The following APBB2 variants were observed in gnomAD, a reference collection of about 807,000 sequenced individuals.
The protein encoded by APBB2 is amyloid beta precursor protein binding family B member 2.
A neutral mutation model predicts 82.5 loss-of-function variants in APBB2; 38 were observed. That is an observed-to-expected ratio of 0.46 (90% CI 0.36 to 0.60). The LOEUF is 0.60. APBB2 is among the 20% of genes least tolerant of loss of function. The probability of loss-of-function intolerance (pLI) is 0.00; values close to 1 mark genes in which losing one functional copy is unlikely to be tolerated. For missense variants in APBB2, 772 were observed against 972.3 expected (o/e 0.79, Z 2.74); for synonymous variants, 341 against 368.2 (o/e 0.93, Z 0.85).
intron 6 of APBB2, among the ~76,000 whole-genome samples, chr4:40,994,310 G>T (rs550221356): frequency 6.6e-6 from 1 of 151,606 alleles, no homozygotes; most frequent in South Asian, 2.1e-4. Context: ...GAAACACCTA[G>T]GAGTTCTGAT....
At chr4:40,912,156 CT>C (rs1163979324) in intron 10 of APBB2, among the ~76,000 whole-genome samples, 1 of 152,166 alleles carries the variant, frequency 6.6e-6, no homozygotes, top group Non-Finnish European at 1.5e-5. Context: ...GGATGGGAAC[CT>C]GTGGAAAGAC....
chr4:41,001,597 G>T (rs111687018), intron 6 of APBB2, among the ~76,000 whole-genome samples: 6 of 152,214 alleles, frequency 3.9e-5, no homozygotes, highest in African/African-American at 1.4e-4. Context: ...AAAAAGACAG[G>T]CTGGGCGTGG....
intron 12 of APBB2, among the ~76,000 whole-genome samples, chr4:40,848,372 T>C (rs777445615): frequency 2.0e-5 from 3 of 152,194 alleles, no homozygotes; most frequent in Admixed American, 6.5e-5. Context: ...AGAGTTTAAG[T>C]TGACTTGCTC....
At chr4:40,892,959 C>T (rs756429571) in intron 11 of APBB2, 30 of 240,942 alleles carry the variant, frequency 1.2e-4, no homozygotes, top group Non-Finnish European at 2.1e-4. Flanking sequence ...TGCTCTTATA[C>T]ACTGGCACAT....
chr4:40,982,239 A>AAAG, intron 6 of APBB2, among the ~76,000 whole-genome samples: 1 of 7,188 alleles, frequency 1.4e-4, no homozygotes, highest in African/African-American at 4.4e-4. Flanking sequence ...AGAAAGAAAG[A>AAAG]AAGAAAGAAA....
chr4:40,905,533 C>T (rs1371299900), intron 10 of APBB2, among the ~76,000 whole-genome samples: 2 of 152,184 alleles, frequency 1.3e-5, no homozygotes, highest in Non-Finnish European at 2.9e-5. Context: ...TTTACTTGTT[C>T]TCCCCTGGGC....
At chr4:40,933,535 C>T (rs1242159471) in intron 10 of APBB2, among the ~76,000 whole-genome samples, 1 of 152,216 alleles carries the variant, frequency 6.6e-6, no homozygotes, top group Non-Finnish European at 1.5e-5. Flanking sequence ...CCAGCCCAGA[C>T]TGGGCTGGTC....
chr4:41,184,679 A>T (rs1246076822), intron 1 of APBB2, among the ~76,000 whole-genome samples: 1 of 152,220 alleles, frequency 6.6e-6, no homozygotes, highest in Non-Finnish European at 1.5e-5. Flanking sequence ...CCCAATAAAG[A>T]AAGAACTTGC....
At chr4:41,143,529 A>C (rs1759816976) in intron 1 of APBB2, among the ~76,000 whole-genome samples, 1 of 152,240 alleles carries the variant, frequency 6.6e-6, no homozygotes, top group Non-Finnish European at 1.5e-5. Context: ...GAGGGCTGGA[A>C]TCATTCCCCT....
intron 6 of APBB2, among the ~76,000 whole-genome samples, chr4:40,988,920 C>T (rs1460292799): frequency 2.6e-5 from 4 of 151,734 alleles, no homozygotes; most frequent in African/African-American, 7.3e-5. Flanking sequence ...TATGCACCAC[C>T]GCACTCAGAT....
chr4:41,038,057 A>G (rs1202732343), intron 4 of APBB2, among the ~76,000 whole-genome samples: 1 of 152,142 alleles, frequency 6.6e-6, no homozygotes, highest in African/African-American at 2.4e-5. Flanking sequence ...TCTAGCAACA[A>G]TAGTTTCCTT....
At chr4:40,937,915 C>T (rs1168931126) in intron 7 of APBB2, among the ~76,000 whole-genome samples, 1 of 152,188 alleles carries the variant, frequency 6.6e-6, no homozygotes, top group Non-Finnish European at 1.5e-5. Flanking sequence ...TTTAAAAAAG[C>T]ACAACCCAAC....
chr4:40,957,936 T>C (rs1490574624), intron 6 of APBB2, among the ~76,000 whole-genome samples: 2 of 152,108 alleles, frequency 1.3e-5, no homozygotes, highest in Non-Finnish European at 2.9e-5. Flanking sequence ...CAGAGGTTGG[T>C]AGAAGATAAA....
chr4:41,018,347 A>T (rs1231462388), intron 5 of APBB2, among the ~76,000 whole-genome samples: 3 of 152,218 alleles, frequency 2.0e-5, no homozygotes, highest in Non-Finnish European at 4.4e-5. Context: ...GAAATCACAG[A>T]GGGTGACGGG....
chr4:41,085,094 C>CA (rs2153941657), intron 3 of APBB2, among the ~76,000 whole-genome samples: 1 of 151,892 alleles, frequency 6.6e-6, no homozygotes, highest in African/African-American at 2.4e-5. Context: ...ACTAAAAATA[C>CA]AAAAAAATTA....
chr4:40,842,263 A>G, intron 12 of APBB2: 1 of 386,074 alleles, frequency 2.6e-6, no homozygotes, highest in South Asian at 1.8e-5. Flanking sequence ...CCTTTCAAAG[A>G]CAAGGATGGT....
chr4:40,857,049 G>A, intron 12 of APBB2: 2 of 985,596 alleles, frequency 2.0e-6, no homozygotes, highest in Non-Finnish European at 2.4e-6. Flanking sequence ...TCCTTCCGAA[G>A]TCGGGCGGGG....
At chr4:41,123,536 A>C (rs1580228978) in intron 2 of APBB2, among the ~76,000 whole-genome samples, 1 of 152,134 alleles carries the variant, frequency 6.6e-6, no homozygotes. Context: ...AATATGATCA[A>C]ATGTAAATTC....
intron 2 of APBB2, among the ~76,000 whole-genome samples, chr4:41,118,694 T>C (rs930162151): frequency 1.3e-5 from 2 of 152,092 alleles, no homozygotes; most frequent in African/African-American, 4.8e-5. Flanking sequence ...ATAAATCTGA[T>C]AGCCTTTAGT....
Sources: allele counts gnomAD v4.1 joint callset (sites outside exome capture counted in the v4.1 genomes callset), GRCh38; gene constraint gnomAD v4.1.1; transcripts MANE v1.5; gene names NCBI Gene and HGNC (gene_info 2026-07-23, HGNC 2026-07-21).